Variants in MCM2 observed in about 807,000 individuals in gnomAD.
MCM2 encodes the protein DNA replication licensing factor MCM2.
MCM2 carries 49 observed loss-of-function variants against 86.4 expected under a neutral mutation model. The ratio of observed to expected loss-of-function variants is 0.57; its 90% CI spans 0.45 to 0.72. The LOEUF is 0.72. MCM2 is among the 30% of genes least tolerant of loss of function. The probability of loss-of-function intolerance (pLI) is 0.00; values close to 1 mark genes in which losing one functional copy is unlikely to be tolerated. For missense variants in MCM2, 1,038 were observed against 1,259.9 expected, an observed-to-expected ratio of 0.82 and a Z score of 2.67; for synonymous variants, 475 against 484.6, an observed-to-expected ratio of 0.98 and a Z score of 0.26.
Position 127,611,682 on chromosome 3 carries a change from CTTTTTTTTTTTTTTTTTT to C in MCM2, c.1428+2676_1428+2693del, listed in dbSNP as rs59607211. Among the ~76,000 whole-genome samples, 122 of 54,294 alleles carry C rather than the reference CTTTTTTTTTTTTTTTTTT, an allele frequency of 2.2e-3. 2 individuals are homozygous for C. Among genetic ancestry groups the C allele is most frequent in the Non-Finnish European group, 3.4e-3 (108 of 32,028 alleles). 35.6% of individuals were successfully genotyped at this position (54,294 alleles called of 152,430 possible). A position where few individuals can be genotyped will look rare whatever the true frequency, so the allele number is the denominator to read the frequency against. On this transcript the variant is annotated intron_variant, in intron 8 of 15. Coordinates refer to ENST00000265056, the MANE Select transcript of MCM2 (RefSeq NM_004526.4). ...AAGCCCTGCAGGCTTCTGCAGCTGACTTTTTTTTTTTTTTTTTTTTTTTTTTTTTTTTTTGAGACGGAG... is the reference window on the plus strand; with the variant it reads ...AAGCCCTGCAGGCTTCTGCAGCTGACTTTTTTTTTTTTTTTTGAGACGGAG...
In MCM2 at chr3:127,606,234, C is replaced by G. The variant is rs746821413; in HGVS notation, c.790C>G (p.Leu264Val). 2 of 1,614,204 alleles carry G rather than the reference C, an allele frequency of 1.2e-6. No homozygotes were observed. The highest frequency in any genetic ancestry group is 1.7e-6 in the Non-Finnish European group (2 of 1,180,030). Reference protein sequence around the residue: ...ELLQIFDEAALEVVLAMYPKY... With the variant: ...ELLQIFDEAAVEVVLAMYPKY... Reference sequence around the variant, plus strand: ...GCTGCAGATCTTTGATGAGGCTGCCCTGGAGGTGGTACTGGCCATGTACCC... The same window carrying G: ...GCTGCAGATCTTTGATGAGGCTGCCGTGGAGGTGGTACTGGCCATGTACCC... Residue 264 changes from leucine to valine, a missense_variant, in exon 5 of 16, where the codon CTG (leucine) becomes GTG (valine). Leu to Val is a conservative substitution (Grantham distance 32). Coordinates refer to ENST00000265056, the MANE Select transcript of MCM2 (RefSeq NM_004526.4). This position sits in a 1 kb window ranked among gnomAD's most constrained non-coding sequence, Gnocchi z 4.2.
intron 13 of MCM2, 137 bp downstream of exon 13, chr3:127,619,415 G>A: frequency 9.3e-7 from 1 of 1,078,188 alleles, no homozygotes; most frequent in Non-Finnish European, 1.3e-6. Flanking sequence ...AAAAAATGTA[G>A]GTGCCAGGCA....
rs893534905 is a variant in MCM2 at position 127,618,795 on chromosome 3, T to C, written c.2014-232T>C. 3.3e-5 allele frequency among the ~76,000 whole-genome samples: 5 copies of C among 152,232 alleles called. No homozygotes were observed. The highest frequency in any genetic ancestry group is 1.2e-4 in the African/African-American group (5 of 41,470). On this transcript the variant is annotated intron_variant, in intron 12 of 15. Transcript: ENST00000265056. This position sits in a 1 kb window ranked among gnomAD's most constrained non-coding sequence, Gnocchi z 4.0. Reference sequence around the variant, plus strand: ...TCTGAGCATTACTTTCCATAATTAATTTTTAAGACTATTTGTCTCCTGTCC... The same window carrying C: ...TCTGAGCATTACTTTCCATAATTAACTTTTAAGACTATTTGTCTCCTGTCC...
At position 127,618,920 on chromosome 3, in the gene MCM2, G is replaced by A; in HGVS notation, c.2014-107G>A. The A allele has an allele frequency of 7.7e-7, 1 of 1,292,488 alleles. No homozygotes were observed. The highest frequency in any genetic ancestry group is 1.5e-5 in the South Asian group (1 of 64,760). 80.1% of individuals were successfully genotyped at this position (1,292,488 alleles called of 1,614,324 possible). A position where few individuals can be genotyped will look rare whatever the true frequency, so the allele number is the denominator to read the frequency against. ...CATGGTCAGTGTAGTCAGTCTTGTTGAAAGAGTGTCACCCTTGTAGGGCAC... is the reference window on the plus strand; with the variant it reads ...CATGGTCAGTGTAGTCAGTCTTGTTAAAAGAGTGTCACCCTTGTAGGGCAC... On this transcript the variant is annotated intron_variant, in intron 12 of 15. Transcript: ENST00000265056. This position sits in a 1 kb window ranked among gnomAD's most constrained non-coding sequence, Gnocchi z 4.0.
chr3:127,616,046 G>C, intron 9 of MCM2, 91 bp downstream of exon 9: 8 of 1,029,028 alleles, frequency 7.8e-6, no homozygotes, highest in Non-Finnish European at 1.2e-5. Flanking sequence ...TTTAAAGCCT[G>C]GGTGCTGGGG....
At chr3:127,602,183 G>C in intron 2 of MCM2, among the ~76,000 whole-genome samples, 1 of 44,106 alleles carries the variant, frequency 2.3e-5, no homozygotes. Context: ...TTTTTTTTTT[G>C]TATGAACCAA....
Position 127,615,924 on chromosome 3 carries a change from G to T in MCM2, c.1491G>T (p.Leu497=). 6.2e-7 allele frequency: 1 copy of T among 1,614,176 alleles called. No individual in the cohort carries two copies. The highest frequency in any genetic ancestry group is 8.5e-7 in the Non-Finnish European group (1 of 1,180,032). Residue 497 remains leucine, a synonymous_variant, in exon 9 of 16, where the codon CTG becomes CTT. Transcript: ENST00000265056. ...GHEDIKRGLA[L]ALFGGEPKNP... ...AAGACATCAAGAGAGGCCTGGCTCT[G>T]GCCCTGTTCGGAGGGGAGCCCAAAA... is the stretch of plus-strand genomic sequence containing the variant.
At position 127,619,030 on chromosome 3, in the gene MCM2, G is replaced by A. The variant is rs747547424; in HGVS notation, c.2017G>A (p.Glu673Lys). 20 of 1,595,150 alleles carry A rather than the reference G, an allele frequency of 1.3e-5. No homozygotes were observed. The highest frequency in any genetic ancestry group is 4.5e-5 in the South Asian group (4 of 89,126). The change falls in exon 13 of 16, where the codon GAG (glutamate) becomes AAG (lysine). Residue 673 changes from glutamate (E) to lysine (K), a missense_variant. Coordinates refer to ENST00000265056, the MANE Select transcript of MCM2 (RefSeq NM_004526.4). ...VRDTVDPVQD[E>K]MLARFVVGSH... ...ACCCTCTCATGGCTTATCTTAGGAC[G>A]AGATGCTGGCCCGCTTCGTGGTGGG... is the stretch of plus-strand genomic sequence containing the variant.
chr3:127,598,744 G>C, intron 1 of MCM2: 1 of 517,838 alleles, frequency 1.9e-6, no homozygotes, highest in South Asian at 2.8e-5. Flanking sequence ...CATCTGTGTG[G>C]CGCTGAGCGT....
At chr3:127,607,907 G>A (rs915671113) in intron 6 of MCM2, among the ~76,000 whole-genome samples, 7 of 152,240 alleles carry the variant, frequency 4.6e-5, no homozygotes, top group Non-Finnish European at 8.8e-5. Flanking sequence ...TAATGGGTAC[G>A]AAATGACATG....
rs779777733 is a variant in MCM2, at chr3:127,604,950, G to A, written c.467G>A (p.Arg156Gln). Residue 156 changes from arginine (R) to glutamine (Q), a missense_variant, in exon 4 of 16, where the codon CGG (arginine) becomes CAG (glutamine). This residue lies in a region of MCM2 where 300 missense variants were observed against 307.4 expected (regional missense o/e 0.98). Coordinates refer to ENST00000265056, the MANE Select transcript of MCM2 (RefSeq NM_004526.4). ...RPARKRRQVE[R>Q]ATEDGEEDEE... is the part of the protein sequence containing the mutation. ...GCCCGCAAGCGCCGCCAGGTGGAGC[G>A]GGCCACGGAGGACGGCGAGGAGGAC... is the stretch of plus-strand genomic sequence containing the variant. 7.5e-6 allele frequency: 12 copies of A among 1,606,270 alleles called. No homozygotes were observed. Among genetic ancestry groups the A allele is most frequent in the South Asian group, 2.2e-5 (2 of 90,796 alleles).
At chr3:127,600,400 G>A (rs1042232181) in intron 2 of MCM2, among the ~76,000 whole-genome samples, 10 of 152,238 alleles carry the variant, frequency 6.6e-5, no homozygotes, top group Non-Finnish European at 7.3e-5. Context: ...GCTGCGATCT[G>A]GTAGATAACG....
rs368232061 is a variant in MCM2, at chr3:127,621,239, G to A, written c.2604+11G>A. 2.0e-5 allele frequency: 33 copies of A among 1,613,504 alleles called. No homozygotes were observed. In the Admixed American group the frequency reaches 2.7e-4, roughly 13 times the overall value. ...GACTTGGTGGATAAGGTATGGGCCC[G>A]GAAGGGAGGTGAGGGTTGGGGTATG... On this transcript the variant is annotated intron_variant, in intron 15 of 15. Coordinates refer to ENST00000265056, the MANE Select transcript of MCM2 (RefSeq NM_004526.4).
chr3:127,616,097 C>T lies in MCM2; in HGVS notation c.1522+142C>T, dbSNP rs948998888. 3 of 693,356 alleles carry T rather than the reference C, an allele frequency of 4.3e-6. No individual in the cohort carries two copies. In the South Asian group the frequency reaches 5.4e-5, roughly 13 times the overall value. 43.0% of individuals were successfully genotyped at this position (693,356 alleles called of 1,614,324 possible). ...AAAGATGGTCTGGCTGGGCGTGACT[C>T]ATTCTTCAAGGGAGAGGGTGGCCCT... On this transcript the variant is annotated intron_variant, in intron 9 of 15. Transcript: ENST00000265056.
rs778688260 is a variant in MCM2 at position 127,599,351 on chromosome 3, C to G, written c.40C>G (p.Pro14Ala). The G allele has an allele frequency of 1.5e-5, 25 of 1,614,086 alleles. No individual in the cohort carries two copies. The highest frequency in any genetic ancestry group is 2.0e-5 in the Non-Finnish European group (24 of 1,180,042). The change falls in exon 2 of 16, where the codon CCG (proline) becomes GCG (alanine). Residue 14 changes from proline to alanine, a missense_variant. Around this residue, in one of 4 missense-constraint regions of MCM2, gnomAD observed 300 missense variants for 307.4 expected, o/e 0.98. Transcript: ENST00000265056. ...GGAATCCTTCACCATGGCATCCAGCCCGGCCCAGCGTCGGCGAGGCAATGA... is the reference window on the plus strand; with the variant it reads ...GGAATCCTTCACCATGGCATCCAGCGCGGCCCAGCGTCGGCGAGGCAATGA... ...SSESFTMASSPAQRRRGNDPL... is the reference protein window; with the variant it reads ...SSESFTMASSAAQRRRGNDPL...
At chr3:127,608,323 G>A in intron 6 of MCM2, 59 bp from the exon 7 acceptor site, 1 of 1,592,072 alleles carries the variant, frequency 6.3e-7, no homozygotes, top group Non-Finnish European at 8.6e-7. Flanking sequence ...CTGTTCGGGG[G>A]TCAAGGTTAG....
rs911993754 is a variant in MCM2, at chr3:127,618,310, T to G, written c.2013+229T>G. 1.4e-4 allele frequency among the ~76,000 whole-genome samples: 22 copies of G among 152,086 alleles called. No homozygotes were observed. Among genetic ancestry groups the G allele is most frequent in the Non-Finnish European group, 2.8e-4 (19 of 68,026 alleles). On this transcript the variant is annotated intron_variant, in intron 12 of 15. Coordinates refer to ENST00000265056, the MANE Select transcript of MCM2 (RefSeq NM_004526.4). This position sits in a 1 kb window ranked among gnomAD's most constrained non-coding sequence, Gnocchi z 4.0. Reference sequence around the variant, plus strand: ...ACATAACCCACAATCCACCAAATCCTGTTGTCCCAACTCCTGAGCCTACCC... The same window carrying G: ...ACATAACCCACAATCCACCAAATCCGGTTGTCCCAACTCCTGAGCCTACCC...
chr3:127,615,095 T>G (rs758072812), intron 8 of MCM2, among the ~76,000 whole-genome samples: 21 of 152,174 alleles, frequency 1.4e-4, no homozygotes, highest in Admixed American at 7.2e-4. Flanking sequence ...TTTCCTGCCT[T>G]AGTCCCCTCT....
intron 15 of MCM2, 70 bp downstream of exon 15, chr3:127,621,298 C>T: frequency 2.5e-6 from 4 of 1,580,628 alleles, no homozygotes; most frequent in Non-Finnish European, 3.5e-6. Context: ...CTGATGGGGG[C>T]TCCATCATAA....
Sources: allele counts gnomAD v4.1 joint callset (sites outside exome capture counted in the v4.1 genomes callset), GRCh38; gene constraint gnomAD v4.1.1; regional missense constraint gnomAD v4.1.1; non-coding constraint Gnocchi (gnomAD v3.1); transcripts MANE v1.5; gene names NCBI Gene and HGNC (gene_info 2026-07-23, HGNC 2026-07-21).